Variants in ZNF385D observed in about 807,000 individuals in gnomAD.
ZNF385D encodes zinc finger protein 659.
A neutral mutation model predicts 35.8 loss-of-function variants in ZNF385D; 15 were observed. The ratio of observed to expected loss-of-function variants is 0.42; its 90% confidence interval spans 0.28 to 0.64. The LOEUF is 0.64. Ranked by LOEUF, ZNF385D falls within the 30% of genes least tolerant of loss-of-function variation. ZNF385D has a pLI of 0.23. For synonymous variants in ZNF385D, 212 were observed against 186.8 expected (o/e 1.13, Z -1.10); for missense variants, 474 against 494.6 (o/e 0.96, Z 0.39).
chr3:22,335,920 C>A (rs1695140257), intron 2 of ZNF385D, among the ~76,000 whole-genome samples: 1 of 152,082 alleles, frequency 6.6e-6, no homozygotes, highest in Non-Finnish European at 1.5e-5. Context: ...TAAAGTATAG[C>A]TTTAGGAGAA....
chr3:22,040,652 G>C (rs181810137), intron 3 of ZNF385D, among the ~76,000 whole-genome samples: 4 of 152,254 alleles, frequency 2.6e-5, no homozygotes, highest in Non-Finnish European at 4.4e-5. Flanking sequence ...AGAATTATGG[G>C]AACAAGGTCT....
intron 3 of ZNF385D, among the ~76,000 whole-genome samples, chr3:21,556,794 C>T (rs140066178): frequency 0.032 from 4,824 of 152,302 alleles, 143 homozygotes; most frequent in Middle Eastern, 0.078. Flanking sequence ...GATATCGATT[C>T]TTCCTATCCG....
chr3:21,947,632 G>C (rs187970488), intron 3 of ZNF385D, among the ~76,000 whole-genome samples: 2 of 152,334 alleles, frequency 1.3e-5, no homozygotes, highest in Non-Finnish European at 2.9e-5. Flanking sequence ...TTCCAGGCGT[G>C]AGCCACCGCG....
intron 3 of ZNF385D, among the ~76,000 whole-genome samples, chr3:21,821,895 G>A (rs1694258262): frequency 6.7e-6 from 1 of 150,254 alleles, no homozygotes; most frequent in Admixed American, 6.7e-5. Context: ...GAGCCTGGGA[G>A]GTTGAGGCTG....
intron 3 of ZNF385D, among the ~76,000 whole-genome samples, chr3:21,972,701 C>CA (rs71618875): frequency 0.15 from 22,142 of 151,000 alleles, 1,842 homozygotes; most frequent in Middle Eastern, 0.23. Flanking sequence ...AAGAAAAAAA[C>CA]AAAAAAGACC....
intron 3 of ZNF385D, among the ~76,000 whole-genome samples, chr3:22,145,273 C>T (rs1464337638): frequency 6.6e-6 from 1 of 152,182 alleles, no homozygotes; most frequent in Non-Finnish European, 1.5e-5. Flanking sequence ...ATGGCAAAAA[C>T]CACAATTACT....
At chr3:22,338,698 ATTTTTTTTT>A (rs562729331) in intron 2 of ZNF385D, among the ~76,000 whole-genome samples, 1 of 125,434 alleles carries the variant, frequency 8.0e-6, no homozygotes, top group Non-Finnish European at 1.6e-5. Context: ...TATTCATCTC[ATTTTTTTTT>A]TTTTTTTTTT....
chr3:21,422,569 T>G (rs1700792544), intron 7 of ZNF385D, among the ~76,000 whole-genome samples: 1 of 152,132 alleles, frequency 6.6e-6, no homozygotes, highest in Admixed American at 6.5e-5. Context: ...ATATCCTTGA[T>G]GAACATCGAT....
At chr3:21,770,163 G>C (rs925358469) in intron 3 of ZNF385D, among the ~76,000 whole-genome samples, 1 of 152,130 alleles carries the variant, frequency 6.6e-6, no homozygotes, top group East Asian at 1.9e-4. Context: ...ATATCATTCA[G>C]GACATAGGCA....
intron 3 of ZNF385D, among the ~76,000 whole-genome samples, chr3:22,040,388 CTAAT>C (rs1400277884): frequency 6.6e-6 from 1 of 152,074 alleles, no homozygotes; most frequent in African/African-American, 2.4e-5. Context: ...TGCACAGAGA[CTAAT>C]TAATATGTCC....
intron 3 of ZNF385D, among the ~76,000 whole-genome samples, chr3:21,550,088 A>G (rs765364684): frequency 6.6e-6 from 1 of 152,216 alleles, no homozygotes; most frequent in Non-Finnish European, 1.5e-5. Flanking sequence ...ATGCAGCTTA[A>G]AAACGTAATA....
At chr3:22,362,578 C>T (rs534421913) in intron 2 of ZNF385D, among the ~76,000 whole-genome samples, 1 of 152,162 alleles carries the variant, frequency 6.6e-6, no homozygotes, top group Admixed American at 6.5e-5. Context: ...AAAATCATAT[C>T]TTACAGAACA....
chr3:22,038,509 G>A (rs1479008920), intron 3 of ZNF385D, among the ~76,000 whole-genome samples: 4 of 152,026 alleles, frequency 2.6e-5, no homozygotes, highest in Non-Finnish European at 4.4e-5. Context: ...ATTGGCAAAT[G>A]TTATTTGTAC....
intron 3 of ZNF385D, among the ~76,000 whole-genome samples, chr3:21,787,050 G>A (rs915407176): frequency 2.6e-5 from 4 of 152,152 alleles, no homozygotes; most frequent in Non-Finnish European, 4.4e-5. Flanking sequence ...TAATCAATGA[G>A]AGCATAGTAA....
At chr3:21,540,560 TAA>T (rs2125559806) in intron 3 of ZNF385D, among the ~76,000 whole-genome samples, 1 of 152,272 alleles carries the variant, frequency 6.6e-6, no homozygotes, top group South Asian at 2.1e-4. Context: ...GGGAAATGGA[TAA>T]AACCTGTTCA....
At chr3:21,819,360 G>A (rs1011230754) in intron 3 of ZNF385D, among the ~76,000 whole-genome samples, 4 of 151,420 alleles carry the variant, frequency 2.6e-5, no homozygotes, top group Non-Finnish European at 5.9e-5. Context: ...TATGCTCTTT[G>A]CCAGAAGCTC....
intron 2 of ZNF385D, among the ~76,000 whole-genome samples, chr3:22,224,337 C>G (rs1337587819): frequency 6.6e-6 from 1 of 152,026 alleles, no homozygotes; most frequent in Non-Finnish European, 1.5e-5. Flanking sequence ...CTTAGTGTGC[C>G]TCATAGATGT....
chr3:22,178,205 T>G (rs551147813), intron 2 of ZNF385D, among the ~76,000 whole-genome samples: 3 of 152,160 alleles, frequency 2.0e-5, no homozygotes, highest in Non-Finnish European at 4.4e-5. Flanking sequence ...CCACCAACAG[T>G]GTAAAAGTGT....
chr3:21,604,413 C>T (rs2064413755), intron 2 of ZNF385D, among the ~76,000 whole-genome samples: 1 of 152,112 alleles, frequency 6.6e-6, no homozygotes, highest in South Asian at 2.1e-4. Context: ...TGGGAAGTGA[C>T]ATGATTGAAG....
Sources: gnomAD v4.1 joint callset for allele counts (sites outside exome capture counted in the v4.1 genomes callset) on GRCh38, gnomAD v4.1.1 for gene constraint, MANE v1.5 for transcripts, NCBI Gene and HGNC (gene_info 2026-07-23, HGNC 2026-07-21) for gene names.